The following ARHGAP44 variants were observed in gnomAD, a reference collection of about 807,000 sequenced individuals.
ARHGAP44 encodes the protein rho GTPase-activating protein 44.
Under a neutral mutation model 106.8 loss-of-function variants are expected in ARHGAP44, and 43 were observed. That is an observed-to-expected ratio of 0.40 (90% CI 0.32 to 0.52). ARHGAP44 has a LOEUF of 0.52. Among genes scored for constraint, ARHGAP44 ranks in the 20% least tolerant of loss-of-function variants. ARHGAP44 has a pLI of 0.48. For synonymous variants in ARHGAP44, 439 were observed against 410.3 expected (o/e 1.07, Z -0.85); for missense variants, 866 against 1,050.5 (o/e 0.82, Z 2.43).
At chr17:12,874,590 G>T (rs981687816) in intron 1 of ARHGAP44, among the ~76,000 whole-genome samples, 8 of 152,092 alleles carry the variant, frequency 5.3e-5, no homozygotes, top group Admixed American at 2.0e-4. Flanking sequence ...AATTAGCAGG[G>T]TGTGGTGGTG....
chr17:12,984,496 T>C (rs763059639), intron 19 of ARHGAP44, 35 bp from the exon 20 acceptor site: 1 of 1,501,908 alleles, frequency 6.7e-7, no homozygotes, highest in Non-Finnish European at 8.8e-7. Context: ...TCAACAACTT[T>C]GTGTTTTGTT....
chr17:12,863,798 T>G (rs2036160212), intron 1 of ARHGAP44, among the ~76,000 whole-genome samples: 1 of 152,236 alleles, frequency 6.6e-6, no homozygotes, highest in Admixed American at 6.5e-5. Flanking sequence ...TAACAATATT[T>G]GTTTTCCTCT....
intron 7 of ARHGAP44, among the ~76,000 whole-genome samples, chr17:12,931,217 G>A (rs935311766): frequency 1.3e-5 from 2 of 151,778 alleles, no homozygotes; most frequent in African/African-American, 2.4e-5. Context: ...GACTACAGGC[G>A]CATGCCACCA....
intron 19 of ARHGAP44, chr17:12,982,513 C>T (rs918476467): frequency 3.9e-5 from 6 of 152,082 alleles, no homozygotes; most frequent in African/African-American, 1.4e-4. Flanking sequence ...CAGGGGTACC[C>T]CTGCGTCTGT....
At chr17:12,856,067 A>G (rs1319782359) in intron 1 of ARHGAP44, among the ~76,000 whole-genome samples, 1 of 152,230 alleles carries the variant, frequency 6.6e-6, no homozygotes, top group African/African-American at 2.4e-5. Context: ...GTATCCCCGC[A>G]ATGGGAGATA....
chr17:12,879,124 C>T (rs759210111), intron 1 of ARHGAP44, among the ~76,000 whole-genome samples: 1 of 152,132 alleles, frequency 6.6e-6, no homozygotes, highest in Non-Finnish European at 1.5e-5. Context: ...TCTTTTATTT[C>T]TCACCTGCCT....
intron 19 of ARHGAP44, among the ~76,000 whole-genome samples, chr17:12,982,134 G>A (rs551177183): frequency 1.3e-5 from 2 of 152,318 alleles, no homozygotes; most frequent in East Asian, 1.9e-4. Flanking sequence ...CCTAATGCCA[G>A]TGACAGGTTG....
intron 1 of ARHGAP44, among the ~76,000 whole-genome samples, chr17:12,799,746 CA>C (rs1201009696): frequency 2.0e-5 from 3 of 152,180 alleles, no homozygotes; most frequent in Middle Eastern, 6.3e-3. Context: ...TCTTCTGCCT[CA>C]GCCTCCTGAG....
intron 12 of ARHGAP44, among the ~76,000 whole-genome samples, chr17:12,951,796 C>T (rs73290497): frequency 2.4e-4 from 37 of 152,270 alleles, no homozygotes; most frequent in African/African-American, 8.2e-4. Context: ...TCATTATGTC[C>T]TGGGAAGCTT....
intron 4 of ARHGAP44, among the ~76,000 whole-genome samples, chr17:12,913,583 A>G (rs573387204): frequency 2.7e-4 from 41 of 152,346 alleles, no homozygotes; most frequent in South Asian, 1.0e-3. Context: ...ATTAAGTAGT[A>G]TTAGAAATAT....
intron 1 of ARHGAP44, among the ~76,000 whole-genome samples, chr17:12,847,718 CGTG>C (rs948953344): frequency 1.3e-5 from 2 of 151,676 alleles, no homozygotes; most frequent in Non-Finnish European, 2.9e-5. Context: ...GGGGTTTCAC[CGTG>C]GTCTCGATCT....
At chr17:12,888,908 T>C (rs2036960756) in intron 1 of ARHGAP44, among the ~76,000 whole-genome samples, 2 of 152,200 alleles carry the variant, frequency 1.3e-5, no homozygotes, top group South Asian at 4.1e-4. Context: ...TAGATACTTC[T>C]GCCTTTTTGG....
intron 1 of ARHGAP44, among the ~76,000 whole-genome samples, chr17:12,838,571 G>T (rs919542314): frequency 2.0e-5 from 3 of 152,126 alleles, no homozygotes; most frequent in Non-Finnish European, 4.4e-5. Context: ...GCAGTGGAGG[G>T]AATCAGGGGT....
chr17:12,931,841 TACACACAC>T (rs10522083), intron 7 of ARHGAP44, among the ~76,000 whole-genome samples: 1,522 of 146,324 alleles, frequency 0.01, 12 homozygotes, highest in African/African-American at 0.022. Flanking sequence ...ACAGTAGGGA[TACACACAC>T]ACACACACAC....
At position 12,990,460 on chromosome 17, in the gene ARHGAP44, C is replaced by T. The variant is rs998315960; in HGVS notation, c.*289C>T. On this transcript the variant is annotated 3_prime_UTR_variant, in exon 21 of 21. Coordinates refer to ENST00000379672, the MANE Select transcript of ARHGAP44 (RefSeq NM_014859.6). ...CTTTCAGCCTCCATGCCAGAAAACA[C>T]CCACCTCTCCATCCAAGGCTGGTCA... 2 of 350,814 alleles carry T rather than the reference C, an allele frequency of 5.7e-6. No homozygotes were observed. The highest frequency in any genetic ancestry group is 5.6e-5 in the East Asian group (1 of 17,952). The allele number at this position is 350,814 out of a possible 1,614,324, so 21.7% of individuals were successfully genotyped here.
At chr17:12,810,762 C>T (rs917601905) in intron 1 of ARHGAP44, among the ~76,000 whole-genome samples, 9 of 152,154 alleles carry the variant, frequency 5.9e-5, no homozygotes, top group Admixed American at 5.2e-4. Context: ...CTATGTATCT[C>T]TTTCACTTGG....
intron 10 of ARHGAP44, among the ~76,000 whole-genome samples, chr17:12,948,752 C>CACA (rs1221163562): frequency 0.094 from 13,207 of 140,806 alleles, 934 homozygotes; most frequent in East Asian, 0.21. Context: ...ACACACACAC[C>CACA]CCCTGTAGAC....
At chr17:12,891,933 T>A (rs2037060501) in intron 1 of ARHGAP44, among the ~76,000 whole-genome samples, 1 of 151,852 alleles carries the variant, frequency 6.6e-6, no homozygotes, top group Non-Finnish European at 1.5e-5. Context: ...GTAGCTGGGA[T>A]TGCAGGTGCG....
chr17:12,909,953 T>C (rs956609627), intron 4 of ARHGAP44, among the ~76,000 whole-genome samples: 3 of 152,162 alleles, frequency 2.0e-5, no homozygotes, highest in African/African-American at 7.2e-5. Context: ...AAAAAGATCA[T>C]TACTATAAAA....
Sources: allele counts gnomAD v4.1 joint callset (sites outside exome capture counted in the v4.1 genomes callset), GRCh38; gene constraint gnomAD v4.1.1; transcripts MANE v1.5; gene names NCBI Gene and HGNC (gene_info 2026-07-23, HGNC 2026-07-21).